Variants in YARS1 observed in about 807,000 individuals in gnomAD.
YARS1 encodes tyrosine--tRNA ligase, cytoplasmic.
In YARS1, 36 loss-of-function variants were observed where a neutral mutation model predicts 62.2. The observed-to-expected ratio is 0.58, with a 90% CI of 0.44 to 0.76. The LOEUF is 0.76. Among genes scored for constraint, YARS1 ranks in the 30% least tolerant of loss-of-function variants. YARS1 has a pLI of 0.00. For synonymous variants in YARS1, 234 were observed against 244.9 expected (o/e 0.96, Z 0.42); for missense variants, 524 against 639.8 (o/e 0.82, Z 1.95).
intron 8 of YARS1, chr1:32,782,972 T>C (rs1653108029): frequency 1.5e-5 from 3 of 206,016 alleles, no homozygotes; most frequent in Non-Finnish European, 3.0e-5. Flanking sequence ...GCTAGCTGTG[T>C]GCGACTCCAA....
In YARS1 at chr1:32,782,397, G is replaced by A. The variant is rs770363886; in HGVS notation, c.1042+7C>T. 1.2e-6 allele frequency: 2 copies of A among 1,613,934 alleles called. No individual in the cohort carries two copies. The highest frequency in any genetic ancestry group is 1.7e-6 in the Non-Finnish European group (2 of 1,179,870). ...GATGATGTCGGCCCCTCTCCAGCTGGCCTTACTCTGCTTTGAGGGATCTGG... is the reference window on the plus strand; with the variant it reads ...GATGATGTCGGCCCCTCTCCAGCTGACCTTACTCTGCTTTGAGGGATCTGG... On this transcript the variant is annotated splice_region_variant and intron_variant, in intron 9 of 12. Coordinates refer to ENST00000373477, the MANE Select transcript of YARS1 (RefSeq NM_003680.4).
Position 32,779,510 on chromosome 1 carries a change from G to A in YARS1, c.1348C>T (p.Arg450Cys), listed in dbSNP as rs141955005. Reference protein sequence around the residue: ...LLCASIEGINRQVEPLDPPAG... With the variant: ...LLCASIEGINCQVEPLDPPAG... ...GGAGGGTCCAGAGGTTCAACCTGGC[G>A]GTTTATCCCTTCTCTGGGAAGACAC... The change falls in exon 12 of 13, where the codon CGC becomes TGC. Residue 450 changes from arginine (R) to cysteine (C), a missense_variant. By Grantham distance (180) the Arg-to-Cys change is radical (BLOSUM62 -3). Transcript: ENST00000373477. 161 of 1,614,082 alleles carry A rather than the reference G, an allele frequency of 1.0e-4. No individual in the cohort carries two copies. The highest frequency in any genetic ancestry group is 1.2e-4 in the Non-Finnish European group (146 of 1,180,050).
chr1:32,778,464 A>G (rs536412320), intron 12 of YARS1, among the ~76,000 whole-genome samples: 67 of 150,368 alleles, frequency 4.5e-4, no homozygotes, highest in Non-Finnish European at 7.5e-4. Context: ...GCTGGAGTGC[A>G]GTGGCGTGAT....
chr1:32,792,917 T>G (rs1245017948), intron 5 of YARS1, among the ~76,000 whole-genome samples: 11 of 147,388 alleles, frequency 7.5e-5, no homozygotes, highest in Admixed American at 4.0e-4. Flanking sequence ...AATAAATAAA[T>G]AAAAGAAAAT....
intron 3 of YARS1, 24 bp from the exon 4 acceptor site, chr1:32,806,635 C>T: frequency 6.2e-7 from 1 of 1,614,072 alleles, no homozygotes; most frequent in Middle Eastern, 1.7e-4. Context: ...GAAGAGGGGA[C>T]AGCTGTAAAC....
chr1:32,779,816 C>T, intron 11 of YARS1: 1 of 606,442 alleles, frequency 1.6e-6, no homozygotes, highest in Non-Finnish European at 2.9e-6. Flanking sequence ...GGATTTGAAT[C>T]CCTGCTCCAC....
At position 32,782,517 on chromosome 1, in the gene YARS1, T is replaced by C. The variant is rs1653094099; in HGVS notation, c.929A>G (p.Lys310Arg). The C allele has an allele frequency of 1.2e-6, 2 of 1,614,182 alleles. No homozygotes were observed. Among genetic ancestry groups the C allele is most frequent in the Non-Finnish European group, 1.7e-6 (2 of 1,180,032 alleles). ...GTTCAGTGCGACTTCAACAGAATTC[T>C]TCAGGTCTCCAGGATGTACAACCTG... Reference protein sequence around the residue: ...AAEVVHPGDLKNSVEVALNKL... With the variant: ...AAEVVHPGDLRNSVEVALNKL... Residue 310 changes from lysine (K) to arginine (R), a missense_variant, in exon 9 of 13, where the codon AAG becomes AGG. Transcript: ENST00000373477.
intron 5 of YARS1, among the ~76,000 whole-genome samples, chr1:32,797,136 C>T (rs112443525): frequency 6.8e-6 from 1 of 147,662 alleles, no homozygotes; most frequent in East Asian, 2.0e-4. Flanking sequence ...CTTTGGGAGG[C>T]CAAGGCAGGA....
intron 5 of YARS1, among the ~76,000 whole-genome samples, chr1:32,793,105 T>C (rs1032153702): frequency 2.0e-5 from 3 of 151,886 alleles, no homozygotes; most frequent in Admixed American, 6.6e-5. Context: ...ATTGATAAAC[T>C]TGAAGAAAGT....
At chr1:32,812,026 T>A (rs1284860242) in intron 1 of YARS1, among the ~76,000 whole-genome samples, 1 of 152,202 alleles carries the variant, frequency 6.6e-6, no homozygotes, top group Non-Finnish European at 1.5e-5. Flanking sequence ...AGTATATTTA[T>A]TCATTTTTTT....
At chr1:32,801,540 T>C (rs1187221021) in intron 4 of YARS1, among the ~76,000 whole-genome samples, 1 of 152,084 alleles carries the variant, frequency 6.6e-6, no homozygotes. Flanking sequence ...CTGATCAGGG[T>C]GGTGGTTGCT....
intron 11 of YARS1, 131 bp from the exon 12 acceptor site, chr1:32,779,654 G>A: frequency 8.4e-7 from 1 of 1,196,972 alleles, no homozygotes; most frequent in East Asian, 2.5e-5. Flanking sequence ...CAGAGCCCCA[G>A]GAGGTCCTCT....
chr1:32,775,847 T>C lies in YARS1; in HGVS notation c.*134A>G. 2.4e-6 allele frequency: 2 copies of C among 846,206 alleles called. No individual in the cohort carries two copies. The highest frequency in any genetic ancestry group is 3.1e-5 in the South Asian group (2 of 65,518). 52.4% of individuals were successfully genotyped at this position (846,206 alleles called of 1,614,324 possible). On this transcript the variant is annotated 3_prime_UTR_variant, in exon 13 of 13. Coordinates refer to ENST00000373477, the MANE Select transcript of YARS1 (RefSeq NM_003680.4). ...GGAGGGTAAGCTGCCCCTTGCCGAG[T>C]TCTGCACCGAATAAAGAGTCCAAAC...
At chr1:32,782,002 G>C (rs1309740610) in intron 9 of YARS1, 1 of 156,000 alleles carries the variant, frequency 6.4e-6, no homozygotes, top group Non-Finnish European at 1.4e-5. Context: ...TTTTTTTTTG[G>C]GTAGAGACTG....
intron 3 of YARS1, among the ~76,000 whole-genome samples, chr1:32,807,686 G>A (rs1379436689): frequency 2.6e-5 from 4 of 152,020 alleles, no homozygotes; most frequent in African/African-American, 9.7e-5. Context: ...TGGAACTGCT[G>A]GGCTCGAGCA....
chr1:32,784,431 G>A (rs1423919456), intron 8 of YARS1, among the ~76,000 whole-genome samples: 1 of 151,852 alleles, frequency 6.6e-6, no homozygotes. Context: ...TTTGTGACCT[G>A]GCCCTGCCTA....
At chr1:32,807,065 A>G (rs1366046232) in intron 3 of YARS1, among the ~76,000 whole-genome samples, 1 of 152,220 alleles carries the variant, frequency 6.6e-6, no homozygotes, top group Admixed American at 6.5e-5. Flanking sequence ...GTCCATCACC[A>G]TCAGTCTGAA....
chr1:32,811,297 G>A lies in YARS1; in HGVS notation c.58-240C>T, dbSNP rs921786343. 2.0e-5 allele frequency: 12 copies of A among 585,608 alleles called. No individual in the cohort carries two copies. The East Asian group carries it at 3.9e-4, about 19-fold the overall frequency. 36.3% of individuals were successfully genotyped at this position (585,608 alleles called of 1,614,324 possible). Reference sequence around the variant, plus strand: ...TTGGCTCCTTCACTTGTAGCCCCTTGCAGCCTCTTACCCACCCCCCTTCCT... The same window carrying A: ...TTGGCTCCTTCACTTGTAGCCCCTTACAGCCTCTTACCCACCCCCCTTCCT... On this transcript the variant is annotated intron_variant, in intron 1 of 12. Coordinates refer to ENST00000373477, the MANE Select transcript of YARS1 (RefSeq NM_003680.4).
intron 5 of YARS1, among the ~76,000 whole-genome samples, chr1:32,795,805 C>CA (rs200173836): frequency 0.03 from 2,224 of 74,240 alleles, 85 homozygotes; most frequent in Admixed American, 0.14. Flanking sequence ...GACTCCCTCT[C>CA]AAAAAAAAAA....
Sources: gnomAD v4.1 joint callset for allele counts (sites outside exome capture counted in the v4.1 genomes callset) on GRCh38, gnomAD v4.1.1 for gene constraint, MANE v1.5 for transcripts, NCBI Gene and HGNC (gene_info 2026-07-23, HGNC 2026-07-21) for gene names.